AJAP1: variants seen among roughly 807,000 people sequenced by gnomAD.
The protein encoded by AJAP1 is adherens junctions associated protein 1, also known as adherens junction-associated protein 1.
AJAP1 carries 5 observed loss-of-function variants against 35.0 expected under a neutral mutation model. That is an observed-to-expected ratio of 0.14 (90% CI 0.07 to 0.30). AJAP1 has a LOEUF of 0.30. AJAP1 is among the 10% of genes least tolerant of loss of function. AJAP1 has a pLI of 1.00. For synonymous variants in AJAP1, 284 were observed against 249.3 expected (o/e 1.14, Z -1.31); for missense variants, 586 against 571.0 (o/e 1.03, Z -0.27).
In AJAP1 at chr1:4,711,907, T is replaced by G; in HGVS notation, c.37T>G (p.Ser13Ala). The change falls in exon 2 of 6, where the codon TCC becomes GCC. Residue 13 changes from serine to alanine, a missense_variant. Transcript: ENST00000378191. The stretch of plus-strand genomic sequence containing the variant: ...CCTTTCCCCCCCGCACAGCTCCATG[T>G]CCATCCGCTGGCCGGGCCGCCCCCT... ...IQQLLGLSSM[S>A]IRWPGRPLGS... 1 of 1,504,564 alleles carries G rather than the reference T, an allele frequency of 6.6e-7. No homozygotes were observed. The highest frequency in any genetic ancestry group is 2.6e-5 in the East Asian group (1 of 38,744). 93.2% of individuals were successfully genotyped at this position (1,504,564 alleles called of 1,614,324 possible).
At chr1:4,738,604 C>T (rs986529319) in intron 2 of AJAP1, among the ~76,000 whole-genome samples, 3 of 152,072 alleles carry the variant, frequency 2.0e-5, no homozygotes, top group African/African-American at 7.2e-5. Flanking sequence ...CAGGGCAGGC[C>T]CCCCAGGCCA....
At chr1:4,727,519 G>A (rs1640694045) in intron 2 of AJAP1, among the ~76,000 whole-genome samples, 1 of 152,332 alleles carries the variant, frequency 6.6e-6, no homozygotes, top group East Asian at 1.9e-4. Flanking sequence ...CCACCTGCAT[G>A]TCTGCCTCTA....
At chr1:4,727,858 C>G (rs968104119) in intron 2 of AJAP1, among the ~76,000 whole-genome samples, 1 of 152,200 alleles carries the variant, frequency 6.6e-6, no homozygotes, top group African/African-American at 2.4e-5. Context: ...GCCTAGTGCT[C>G]GGTCCTTCAG....
In AJAP1 at chr1:4,655,225, A is replaced by C; in HGVS notation, c.-201A>C. The stretch of plus-strand genomic sequence containing the variant: ...CCGCCCAGCCTGAGCCATGCGCCCC[A>C]ACGGCGGCGGCGCGCCGGCCGGCAT... On this transcript the variant is annotated 5_prime_UTR_variant, in exon 1 of 6. Transcript: ENST00000378191. This position sits in a 1 kb window ranked among gnomAD's most constrained non-coding sequence, Gnocchi z 6.9. The C allele has an allele frequency of 6.1e-6, 1 of 162,692 alleles. No homozygotes were observed. Among genetic ancestry groups the C allele is most frequent in the East Asian group, 2.1e-4 (1 of 4,860 alleles). 10.1% of individuals were successfully genotyped at this position (162,692 alleles called of 1,614,324 possible). A position where few individuals can be genotyped will look rare whatever the true frequency, so the allele number is the denominator to read the frequency against.
chr1:4,771,959 G>C (rs1641844794), intron 3 of AJAP1, among the ~76,000 whole-genome samples: 1 of 152,160 alleles, frequency 6.6e-6, no homozygotes, highest in Non-Finnish European at 1.5e-5. Context: ...TGGGGAAACT[G>C]AGTCAGCACC....
rs1638830392 is a variant in AJAP1, at chr1:4,654,682, C to T, written c.-744C>T. 1 of 146,612 alleles carries T rather than the reference C, an allele frequency of 6.8e-6. No homozygotes were observed. The highest frequency in any genetic ancestry group is 2.0e-4 in the East Asian group (1 of 4,998). The allele number at this position is 146,612 out of a possible 1,614,324, so 9.1% of individuals were successfully genotyped here. A position where few individuals can be genotyped will look rare whatever the true frequency, so the allele number is the denominator to read the frequency against. ...GCGCGGTGGGCGCGGGCGGCGGGGC[C>T]CCGGGATCCCCGCGCGCCTCCTCCG... On this transcript the variant is annotated 5_prime_UTR_variant, in exon 1 of 6. Transcript: ENST00000378191. This position sits in a 1 kb window ranked among gnomAD's most constrained non-coding sequence, Gnocchi z 5.1.
chr1:4,754,153 T>C lies in AJAP1; in HGVS notation c.830-15700T>C, dbSNP rs571398812. On this transcript the variant is annotated intron_variant, in intron 2 of 5. Coordinates refer to ENST00000378191, the MANE Select transcript of AJAP1 (RefSeq NM_018836.4). ...GAACGAAGAATGGTTTTGTCATGTT[T>C]AGAAGGTTGAAAAAAATTAAAAGGA... Among the ~76,000 whole-genome samples, 3 of 152,320 alleles carry C rather than the reference T, an allele frequency of 2.0e-5. No homozygotes were observed. In the South Asian group the frequency reaches 6.2e-4, roughly 32 times the overall value.
intron 1 of AJAP1, among the ~76,000 whole-genome samples, chr1:4,691,229 T>C (rs1476584579): frequency 6.6e-6 from 1 of 152,178 alleles, no homozygotes; most frequent in East Asian, 1.9e-4. Flanking sequence ...CATCTGGGGC[T>C]GGGGTGTCCA....
At chr1:4,710,219 C>A (rs370443821) in intron 1 of AJAP1, among the ~76,000 whole-genome samples, 3 of 152,110 alleles carry the variant, frequency 2.0e-5, no homozygotes, top group South Asian at 2.1e-4. Flanking sequence ...CTGACACACA[C>A]GAGCATAGAT....
intron 1 of AJAP1, among the ~76,000 whole-genome samples, chr1:4,691,549 C>G (rs1395411301): frequency 1.3e-5 from 2 of 152,208 alleles, no homozygotes; most frequent in African/African-American, 4.8e-5. Flanking sequence ...CCTCCAGGTC[C>G]TGTGTGCCTC....
chr1:4,772,833 A>T (rs1337335917), intron 4 of AJAP1, among the ~76,000 whole-genome samples: 9 of 152,196 alleles, frequency 5.9e-5, no homozygotes, highest in Admixed American at 5.9e-4. Flanking sequence ...TTCGTGCCCC[A>T]GAGCCCAAAG....
chr1:4,767,225 C>T (rs12025386), intron 2 of AJAP1, among the ~76,000 whole-genome samples: 1 of 152,278 alleles, frequency 6.6e-6, no homozygotes, highest in South Asian at 2.1e-4. Flanking sequence ...TCAGCATCAC[C>T]TTCACCATCA....
Position 4,786,331 on chromosome 1 carries a change from C to T in AJAP1, c.*3846C>T, listed in dbSNP as rs1490468631. On this transcript the variant is annotated 3_prime_UTR_variant, in exon 6 of 6. Coordinates refer to ENST00000378191, the MANE Select transcript of AJAP1 (RefSeq NM_018836.4). ...GGACTTCTCATATTACATTCAGCTCCCAGAAATTCACTCCAGTCCTTCCTG... is the reference window on the plus strand; with the variant it reads ...GGACTTCTCATATTACATTCAGCTCTCAGAAATTCACTCCAGTCCTTCCTG... 6.6e-6 allele frequency: 1 copy of T among 152,136 alleles called. No homozygotes were observed. Among genetic ancestry groups the T allele is most frequent in the African/African-American group, 2.4e-5 (1 of 41,434 alleles). The allele number at this position is 152,136 out of a possible 1,614,324, so 9.4% of individuals were successfully genotyped here.
rs769658115 is a variant in AJAP1 at position 4,712,024 on chromosome 1, C to T, written c.154C>T (p.Leu52Phe). ...CCTGGGCCCGGGGCCGGAGTTCTGG[C>T]TCCTGCCGCGGTCGCCGCCCCGGCC... ...EALGPGPEFW[L>F]LPRSPPRPPR... The change falls in exon 2 of 6, where the codon CTC becomes TTC. Residue 52 changes from leucine (L) to phenylalanine (F), a missense_variant. Physicochemically the swap from Leu to Phe is conservative, Grantham distance 22. Transcript: ENST00000378191. 44 of 1,596,234 alleles carry T rather than the reference C, an allele frequency of 2.8e-5. No individual in the cohort carries two copies. Among genetic ancestry groups the T allele is most frequent in the Non-Finnish European group, 3.5e-5 (41 of 1,174,052 alleles).
rs1317512874 is a variant in AJAP1, at chr1:4,788,776, G to A, written c.*6291G>A. The A allele has an allele frequency of 6.6e-6, 1 of 152,210 alleles. No individual in the cohort carries two copies. The highest frequency in any genetic ancestry group is 1.5e-5 in the Non-Finnish European group (1 of 68,060). 9.4% of individuals were successfully genotyped at this position (152,210 alleles called of 1,614,324 possible). On this transcript the variant is annotated 3_prime_UTR_variant, in exon 6 of 6. Transcript: ENST00000378191. ...GCCCCCAGAATATCCAGTGACCCAA[G>A]TGATGTTAGTCTTAGGGTCCCTAAG...
intron 2 of AJAP1, among the ~76,000 whole-genome samples, chr1:4,766,053 T>C (rs1211805525): frequency 6.6e-6 from 1 of 152,216 alleles, no homozygotes; most frequent in Admixed American, 6.5e-5. Flanking sequence ...ACTAAGAATA[T>C]GCTTTTATTT....
At chr1:4,714,546 G>T (rs542461938) in intron 2 of AJAP1, among the ~76,000 whole-genome samples, 5 of 152,188 alleles carry the variant, frequency 3.3e-5, no homozygotes, top group Non-Finnish European at 4.4e-5. Context: ...CCGGGACAGC[G>T]TTGTAGGCTT....
rs1328650828 is a variant in AJAP1 at position 4,729,046 on chromosome 1, C to T, written c.829+16347C>T. 5.3e-5 allele frequency among the ~76,000 whole-genome samples: 8 copies of T among 152,306 alleles called. No homozygotes were observed. In the East Asian group the frequency reaches 1.5e-3, roughly 29 times the overall value. On this transcript the variant is annotated intron_variant, in intron 2 of 5. Coordinates refer to ENST00000378191, the MANE Select transcript of AJAP1 (RefSeq NM_018836.4). ...TCCTGCTCACTCCAGCCCTGGTGAG[C>T]TCAGGGCCGAGTCTTCTGATACATC...
intron 1 of AJAP1, among the ~76,000 whole-genome samples, chr1:4,709,482 A>G (rs1225196938): frequency 6.6e-6 from 1 of 150,704 alleles, no homozygotes; most frequent in African/African-American, 2.4e-5. Flanking sequence ...GTGGAGCCTG[A>G]AGGGGCTTGG....
Sources: allele counts gnomAD v4.1 joint callset (sites outside exome capture counted in the v4.1 genomes callset), GRCh38; gene constraint gnomAD v4.1.1; non-coding constraint Gnocchi (gnomAD v3.1); transcripts MANE v1.5; gene names NCBI Gene and HGNC (gene_info 2026-07-23, HGNC 2026-07-21).